The following ATG7 variants were observed in gnomAD, a reference collection of about 807,000 sequenced individuals.
The protein encoded by ATG7 is ubiquitin-like modifier-activating enzyme ATG7.
A neutral mutation model predicts 82.4 loss-of-function variants in ATG7; 70 were observed. That is an observed-to-expected ratio of 0.85 (90% CI 0.70 to 1.04). The LOEUF (loss-of-function observed/expected upper bound fraction) is 1.04. Among genes scored for constraint, ATG7 ranks in the 50% least tolerant of loss-of-function variants. The pLI is 0.00. For missense variants in ATG7, 792 were observed against 864.3 expected, an observed-to-expected ratio of 0.92 and a Z score of 1.05; for synonymous variants, 287 against 313.0, an observed-to-expected ratio of 0.92 and a Z score of 0.88.
At chr3:11,396,772 ACT>A (rs1199067497) in intron 19 of ATG7, among the ~76,000 whole-genome samples, 1 of 133,464 alleles carries the variant, frequency 7.5e-6, no homozygotes, top group Non-Finnish European at 1.6e-5. Flanking sequence ...ACAGAGCAAG[ACT>A]CTGTCTCCAA....
At chr3:11,514,566 A>G (rs2092204362) in intron 20 of ATG7, among the ~76,000 whole-genome samples, 1 of 152,242 alleles carries the variant, frequency 6.6e-6, no homozygotes, top group Admixed American at 6.5e-5. Flanking sequence ...TAGTCAGTGC[A>G]TGGCGCTAGC....
chr3:11,553,355 G>A (rs2072012916), intron 20 of ATG7, among the ~76,000 whole-genome samples: 2 of 152,160 alleles, frequency 1.3e-5, no homozygotes, highest in African/African-American at 4.8e-5. Flanking sequence ...ACAGCGTGTG[G>A]CACAGAGCTG....
intron 20 of ATG7, chr3:11,477,348 G>A (rs2088375444): frequency 9.0e-7 from 1 of 1,106,478 alleles, no homozygotes; most frequent in African/African-American, 1.6e-5. Context: ...AATACGTTCA[G>A]TAATGAATGT....
At chr3:11,351,353 C>T (rs2075529112) in intron 14 of ATG7, among the ~76,000 whole-genome samples, 1 of 152,148 alleles carries the variant, frequency 6.6e-6, no homozygotes, top group African/African-American at 2.4e-5. Flanking sequence ...ACTGGGAAGA[C>T]TTGAGAAAAC....
intron 20 of ATG7, among the ~76,000 whole-genome samples, chr3:11,515,265 T>G (rs555378804): frequency 6.6e-6 from 1 of 152,246 alleles, no homozygotes; most frequent in East Asian, 1.9e-4. Context: ...TGAGAGGTGG[T>G]GTCGGTGTTT....
At chr3:11,304,252 T>G (rs1263315684) in intron 5 of ATG7, among the ~76,000 whole-genome samples, 1 of 152,226 alleles carries the variant, frequency 6.6e-6, no homozygotes, top group African/African-American at 2.4e-5. Context: ...TCTTATTCTC[T>G]GCTGTATCAC....
intron 20 of ATG7, among the ~76,000 whole-genome samples, chr3:11,517,446 GAT>G (rs2092315782): frequency 6.6e-6 from 1 of 152,078 alleles, no homozygotes; most frequent in Non-Finnish European, 1.5e-5. Context: ...ATGCACAGAG[GAT>G]TTTTGAGGCA....
chr3:11,301,448 A>AT (rs1210365258), intron 5 of ATG7, among the ~76,000 whole-genome samples: 1 of 152,042 alleles, frequency 6.6e-6, no homozygotes, highest in Non-Finnish European at 1.5e-5. Context: ...TGTCCCTAGA[A>AT]TTTTTTTTAA....
At chr3:11,467,325 A>G (rs1298455940) in intron 20 of ATG7, among the ~76,000 whole-genome samples, 1 of 152,134 alleles carries the variant, frequency 6.6e-6, no homozygotes, top group Non-Finnish European at 1.5e-5. Context: ...TGTTGTTCTC[A>G]TTTTCCTAAT....
intron 15 of ATG7, among the ~76,000 whole-genome samples, chr3:11,360,173 G>A (rs1323482823): frequency 1.3e-5 from 2 of 152,214 alleles, no homozygotes; most frequent in Non-Finnish European, 2.9e-5. Context: ...TGCCTCCTGA[G>A]TAGCTGCGAC....
At chr3:11,573,999 C>T in the ATG7 span, among the ~76,000 whole-genome samples, 1 of 152,194 alleles carries the variant, frequency 6.6e-6, no homozygotes, top group Non-Finnish European at 1.5e-5. Flanking sequence ...AGACCGTCAT[C>T]AACAAGCCAT....
At chr3:11,515,736 G>T (rs1286000010) in intron 20 of ATG7, among the ~76,000 whole-genome samples, 1 of 152,124 alleles carries the variant, frequency 6.6e-6, no homozygotes, top group Non-Finnish European at 1.5e-5. Flanking sequence ...TATCACATGT[G>T]AATTTTTAAA....
At chr3:11,493,006 C>T (rs940350136) in intron 20 of ATG7, among the ~76,000 whole-genome samples, 1 of 152,254 alleles carries the variant, frequency 6.6e-6, no homozygotes, top group Non-Finnish European at 1.5e-5. Context: ...CAGATGCCCT[C>T]CACCAGCAAG....
At chr3:11,346,661 G>C (rs192311938) in intron 13 of ATG7, 1 of 152,306 alleles carries the variant, frequency 6.6e-6, no homozygotes, top group South Asian at 2.1e-4. Context: ...TTCCCAGAGT[G>C]CCTTCCTTGC....
intron 20 of ATG7, among the ~76,000 whole-genome samples, chr3:11,474,632 G>A (rs545151404): frequency 1.3e-5 from 2 of 152,288 alleles, no homozygotes; most frequent in Non-Finnish European, 2.9e-5. Context: ...AGAAAACAGA[G>A]TGTTTGGATG....
intron 14 of ATG7, among the ~76,000 whole-genome samples, chr3:11,357,870 G>C (rs939398704): frequency 6.6e-6 from 1 of 151,892 alleles, no homozygotes; most frequent in African/African-American, 2.4e-5. Context: ...TCAGCCAGGT[G>C]TGGTGACGTG....
intron 19 of ATG7, among the ~76,000 whole-genome samples, chr3:11,395,939 CAAAAAAAAA>C (rs869125190): frequency 3.9e-5 from 1 of 25,520 alleles, no homozygotes; most frequent in African/African-American, 1.4e-4. Flanking sequence ...GACTCTGTCT[CAAAAAAAAA>C]AAAAAAAAAA....
At chr3:11,550,940 C>T (rs2071716654) in intron 20 of ATG7, among the ~76,000 whole-genome samples, 1 of 151,928 alleles carries the variant, frequency 6.6e-6, no homozygotes, top group African/African-American at 2.4e-5. Context: ...TTTTCTCTAA[C>T]GTTTGGATTT....
intron 20 of ATG7, among the ~76,000 whole-genome samples, chr3:11,533,163 G>C (rs530070833): frequency 2.6e-5 from 4 of 152,170 alleles, no homozygotes; most frequent in African/African-American, 4.8e-5. Flanking sequence ...CCGGGGCTTG[G>C]GAGGCCCCTT....
Sources: gnomAD v4.1 joint callset for allele counts (sites outside exome capture counted in the v4.1 genomes callset) on GRCh38, gnomAD v4.1.1 for gene constraint, MANE v1.5 for transcripts, NCBI Gene and HGNC (gene_info 2026-07-23, HGNC 2026-07-21) for gene names.